ANO1: variants seen among roughly 807,000 people sequenced by gnomAD.
The protein encoded by ANO1 is anoctamin 1.
Under a neutral mutation model 124.0 loss-of-function variants are expected in ANO1, and 59 were observed. The ratio of observed to expected loss-of-function variants is 0.48; its 90% CI spans 0.39 to 0.59. ANO1 has a LOEUF of 0.59. Ranked by LOEUF, ANO1 falls within the 20% of genes least tolerant of loss-of-function variation. ANO1 has a pLI of 0.00. For missense variants in ANO1, 1,059 were observed against 1,328.0 expected, an observed-to-expected ratio of 0.80 and a Z score of 3.15; for synonymous variants, 529 against 532.0, an observed-to-expected ratio of 0.99 and a Z score of 0.08.
At chr11:70,095,346 A>AAG (rs1565193623) in intron 2 of ANO1, among the ~76,000 whole-genome samples, 14 of 104,600 alleles carry the variant, frequency 1.3e-4, no homozygotes, top group Non-Finnish European at 2.2e-4. Context: ...AAGAGAAAGA[A>AAG]AAAGAAAGAA....
chr11:70,060,441 A>G (rs977850392), intron 1 of ANO1, among the ~76,000 whole-genome samples: 3 of 151,424 alleles, frequency 2.0e-5, no homozygotes, highest in Middle Eastern at 3.2e-3. Context: ...AAGGGAGAAG[A>G]TGCTATATGT....
At chr11:70,161,124 G>A in intron 16 of ANO1, 37 bp from the exon 17 acceptor site, 1 of 1,584,474 alleles carries the variant, frequency 6.3e-7, no homozygotes, top group South Asian at 1.1e-5. Context: ...GGTCCTGGGT[G>A]GGCCCCCAAC....
chr11:69,971,975 C>T, the ANO1 span, among the ~76,000 whole-genome samples: 1 of 152,030 alleles, frequency 6.6e-6, no homozygotes, highest in Non-Finnish European at 1.5e-5. Flanking sequence ...AATCTCAGCA[C>T]TTTGAGAGGC....
chr11:70,133,843 G>A (rs978525633), intron 11 of ANO1, among the ~76,000 whole-genome samples: 1 of 152,206 alleles, frequency 6.6e-6, no homozygotes, highest in Admixed American at 6.5e-5. Flanking sequence ...GGTGAGGTGA[G>A]GGAGGGGAGG....
chr11:70,058,921 C>A lies in ANO1; in HGVS notation c.59-19621C>A, dbSNP rs537690676. Reference sequence around the variant, plus strand: ...ATTGTCCGCCGAGTGCGGTGGCTCACGCCTGTAATCCCAGCACTTTGGGAG... The same window carrying A: ...ATTGTCCGCCGAGTGCGGTGGCTCAAGCCTGTAATCCCAGCACTTTGGGAG... On this transcript the variant is annotated intron_variant, in intron 1 of 27. Transcript: ENST00000531349. 3.7e-3 allele frequency among the ~76,000 whole-genome samples: 559 copies of A among 152,032 alleles called. 1 individual carries two copies. The highest frequency in any genetic ancestry group is 0.013 in the African/African-American group (539 of 41,470).
the ANO1 span, among the ~76,000 whole-genome samples, chr11:69,967,539 A>G: frequency 2.6e-5 from 4 of 152,166 alleles, no homozygotes; most frequent in African/African-American, 9.6e-5. Flanking sequence ...GCCTTAGTTT[A>G]CCCATCAGTA....
chr11:70,153,237 C>T (rs1472570141), intron 14 of ANO1, 109 bp downstream of exon 14: 6 of 1,000,872 alleles, frequency 6.0e-6, no homozygotes, highest in East Asian at 5.2e-5. Context: ...TGTGTAACCC[C>T]GTGTTGCGGC....
rs1347877999 is a variant in ANO1, at chr11:70,105,777, C to T, written c.736C>T (p.Arg246Trp). The T allele has an allele frequency of 1.9e-6, 3 of 1,613,578 alleles. No homozygotes were observed. Among genetic ancestry groups the T allele is most frequent in the Admixed American group, 1.7e-5 (1 of 60,006 alleles). ...GGATTCCTTTTTCGACAGCAAAACC[C>T]GGAGCACGATTGTAAGTATCGCACG... ...DKDSFFDSKTRSTIVYEILKR... is the reference protein window; with the variant it reads ...DKDSFFDSKTWSTIVYEILKR... Residue 246 changes from arginine (R) to tryptophan (W), a missense_variant, in exon 5 of 26, where the codon CGG becomes TGG. By Grantham distance (101) the Arg-to-Trp change is moderately radical. Transcript: ENST00000355303.
At chr11:70,089,735 G>A (rs527965157) in intron 2 of ANO1, among the ~76,000 whole-genome samples, 1 of 152,304 alleles carries the variant, frequency 6.6e-6, no homozygotes, top group South Asian at 2.1e-4. Context: ...TGTCCTGCCC[G>A]ACTTTGTCTT....
At chr11:70,013,498 C>T (rs1455231093) in intron 1 of ANO1, among the ~76,000 whole-genome samples, 10 of 152,068 alleles carry the variant, frequency 6.6e-5, no homozygotes, top group Admixed American at 2.0e-4. Flanking sequence ...GTCAGCTGGG[C>T]GTGGTGACTT....
intron 11 of ANO1, among the ~76,000 whole-genome samples, chr11:70,138,393 A>C (rs2047027312): frequency 1.3e-5 from 2 of 149,124 alleles, no homozygotes; most frequent in African/African-American, 5.0e-5. Context: ...TCACGCCTGT[A>C]ATCTCAGGAG....
At chr11:70,069,710 G>A (rs1857821124) in intron 1 of ANO1, among the ~76,000 whole-genome samples, 2 of 152,038 alleles carry the variant, frequency 1.3e-5, no homozygotes, top group South Asian at 2.1e-4. Flanking sequence ...GATAATCTAC[G>A]TTAGAGGCGG....
upstream of ANO1, among the ~76,000 whole-genome samples, chr11:69,982,697 C>A (rs1855969507): frequency 6.6e-6 from 1 of 152,168 alleles, no homozygotes; most frequent in Admixed American, 6.5e-5. Flanking sequence ...GCTGCAGAGG[C>A]CATAGGCCCG....
At chr11:70,058,599 G>T (rs1857494103) in intron 1 of ANO1, among the ~76,000 whole-genome samples, 2 of 152,200 alleles carry the variant, frequency 1.3e-5, no homozygotes, top group African/African-American at 4.8e-5. Flanking sequence ...TGCCCAGAGG[G>T]CTGGTGTCTG....
intron 16 of ANO1, among the ~76,000 whole-genome samples, chr11:70,159,875 G>C (rs915745914): frequency 6.6e-6 from 1 of 152,244 alleles, no homozygotes; most frequent in Non-Finnish European, 1.5e-5. Flanking sequence ...CCCACGCCTC[G>C]CAGCAGGGCT....
chr11:70,141,129 C>T (rs2047139391), intron 11 of ANO1, among the ~76,000 whole-genome samples: 2 of 152,200 alleles, frequency 1.3e-5, no homozygotes, highest in African/African-American at 4.8e-5. Context: ...CAAACGTTCC[C>T]TCATGCAGGG....
chr11:70,186,338 C>T (rs76209207), intron 25 of ANO1, among the ~76,000 whole-genome samples: 21 of 68,710 alleles, frequency 3.1e-4, no homozygotes, highest in African/African-American at 7.8e-4. Flanking sequence ...AGGAGGAGGA[C>T]GAGGAGGGGG....
chr11:69,988,098 A>G (rs1221068370), intron 1 of ANO1, among the ~76,000 whole-genome samples: 1 of 152,192 alleles, frequency 6.6e-6, no homozygotes, highest in East Asian at 1.9e-4. Flanking sequence ...GCATGAAGAA[A>G]TTCCATGGGA....
chr11:69,982,399 A>T (rs541990425), upstream of ANO1, among the ~76,000 whole-genome samples: 1 of 150,846 alleles, frequency 6.6e-6, no homozygotes, highest in South Asian at 2.1e-4. Context: ...AAACCCACCC[A>T]CTCTCCGGTT....
Sources: gnomAD v4.1 joint callset for allele counts (sites outside exome capture counted in the v4.1 genomes callset) on GRCh38, gnomAD v4.1.1 for gene constraint, MANE v1.5 for transcripts, NCBI Gene and HGNC (gene_info 2026-07-23, HGNC 2026-07-21) for gene names.